The following USP43 variants were observed in gnomAD, a reference collection of about 807,000 sequenced individuals.
USP43 encodes ubiquitin carboxyl-terminal hydrolase 43.
In USP43, 33 loss-of-function variants were observed where a neutral mutation model predicts 90.7. That is an observed-to-expected ratio of 0.36 (90% CI 0.28 to 0.49). USP43 has a LOEUF of 0.49. Among genes scored for constraint, USP43 ranks in the 20% least tolerant of loss-of-function variants. The pLI, the probability that USP43 is intolerant of heterozygous loss-of-function variation, is 0.98. For missense variants in USP43, 1,274 were observed against 1,476.4 expected, an observed-to-expected ratio of 0.86 and a Z score of 2.25; for synonymous variants, 598 against 615.8, an observed-to-expected ratio of 0.97 and a Z score of 0.43.
intron 3 of USP43, 143 bp downstream of exon 3, chr17:9,666,894 C>G: frequency 1.5e-6 from 1 of 678,744 alleles, no homozygotes; most frequent in Non-Finnish European, 2.6e-6. Context: ...ATTATAAATC[C>G]TGATTAAGCA....
At chr17:9,717,916 A>G (rs1567682961) in intron 14 of USP43, among the ~76,000 whole-genome samples, 1 of 150,396 alleles carries the variant, frequency 6.6e-6, no homozygotes, top group Admixed American at 6.6e-5. Flanking sequence ...CCTGCCTCAG[A>G]CTCCCGAGTA....
chr17:9,725,418 T>G (rs1340545056), intron 14 of USP43, among the ~76,000 whole-genome samples: 1 of 151,716 alleles, frequency 6.6e-6, no homozygotes, highest in Non-Finnish European at 1.5e-5. Flanking sequence ...TTTGCCCATC[T>G]CCCCGGGGGA....
intron 12 of USP43, among the ~76,000 whole-genome samples, chr17:9,706,151 T>G (rs1597875510): frequency 6.6e-6 from 1 of 152,242 alleles, no homozygotes; most frequent in Non-Finnish European, 1.5e-5. Flanking sequence ...TCCTGTGAAC[T>G]GTCTATCCAT....
intron 3 of USP43, among the ~76,000 whole-genome samples, chr17:9,670,530 C>T (rs1325461472): frequency 6.6e-6 from 1 of 152,102 alleles, no homozygotes; most frequent in East Asian, 1.9e-4. Flanking sequence ...TTAGTCCTTC[C>T]ACCCCACAAC....
intron 14 of USP43, 107 bp downstream of exon 14, chr17:9,712,239 A>C (rs1267445775): frequency 4.6e-6 from 6 of 1,316,508 alleles, no homozygotes; most frequent in African/African-American, 3.0e-5. Context: ...GAAAGGGTCC[A>C]TCATTACGAG....
intron 14 of USP43, among the ~76,000 whole-genome samples, chr17:9,725,613 CAG>C (rs1247636287): frequency 5.3e-5 from 8 of 152,194 alleles, no homozygotes; most frequent in Non-Finnish European, 1.0e-4. Flanking sequence ...ATAAAGATAA[CAG>C]GGGTACTTTT....
chr17:9,654,255 A>G (rs1010069044), intron 1 of USP43, among the ~76,000 whole-genome samples: 1 of 152,196 alleles, frequency 6.6e-6, no homozygotes, highest in African/African-American at 2.4e-5. Flanking sequence ...CTAAAAACAT[A>G]TTCATTGTTT....
rs1167647792 is a variant in USP43, at chr17:9,701,147, G to A, written c.1564G>A (p.Ala522Thr). The A allele has an allele frequency of 2.0e-6, 3 of 1,498,438 alleles. No homozygotes were observed. Among genetic ancestry groups the A allele is most frequent in the South Asian group, 2.7e-5 (2 of 73,262 alleles). The allele number at this position is 1,498,438 out of a possible 1,614,324, so 92.8% of individuals were successfully genotyped here. ...GTTCGGGAGCCTCCAGGAGGAGCGAGCGCAGGATGCCGACAGTGTGTGGCA... is the reference window on the plus strand; with the variant it reads ...GTTCGGGAGCCTCCAGGAGGAGCGAACGCAGGATGCCGACAGTGTGTGGCA... ...RLFGSLQEER[A>T]QDADSVWQQQ... The change falls in exon 11 of 15, where the codon GCG becomes ACG. Residue 522 changes from alanine to threonine, a missense_variant. By Grantham distance (58) the Ala-to-Thr change is moderately conservative. Coordinates refer to ENST00000285199, the MANE Select transcript of USP43 (RefSeq NM_153210.5). The surrounding 1 kb of genome is among the most constrained non-coding windows in gnomAD (Gnocchi z 7.2).
At chr17:9,694,125 C>A (rs1437157979) in intron 9 of USP43, among the ~76,000 whole-genome samples, 1 of 152,200 alleles carries the variant, frequency 6.6e-6, no homozygotes, top group Non-Finnish European at 1.5e-5. Context: ...TCTGGCACTT[C>A]TCTTTATTTT....
At chr17:9,705,532 A>C (rs923249529) in intron 12 of USP43, among the ~76,000 whole-genome samples, 1 of 152,302 alleles carries the variant, frequency 6.6e-6, no homozygotes, top group Middle Eastern at 3.4e-3. Flanking sequence ...AGGCAGGCAG[A>C]TCACTTGAGG....
rs58054610 is a variant in USP43 at position 9,680,013 on chromosome 17, A to ATT, written c.970-203_970-202dup. On this transcript the variant is annotated intron_variant, in intron 5 of 14. Coordinates refer to ENST00000285199, the MANE Select transcript of USP43 (RefSeq NM_153210.5). ...TTGTTTAGCTGGGTATAAAACTTAGATTTTTTTTTTTTTTTTCAGTTTCTT... is the reference window on the plus strand; with the variant it reads ...TTGTTTAGCTGGGTATAAAACTTAGATTTTTTTTTTTTTTTTTTCAGTTTCTT... 7.6e-3 allele frequency among the ~76,000 whole-genome samples: 1,008 copies of ATT among 132,026 alleles called. 12 individuals are homozygous for ATT. Among genetic ancestry groups the ATT allele is most frequent in the African/African-American group, 0.022 (793 of 35,962 alleles). 86.6% of individuals were successfully genotyped at this position (132,026 alleles called of 152,430 possible). A position where few individuals can be genotyped will look rare whatever the true frequency, so the allele number is the denominator to read the frequency against.
At chr17:9,700,758 A>T (rs1915519119) in intron 10 of USP43, among the ~76,000 whole-genome samples, 1 of 152,072 alleles carries the variant, frequency 6.6e-6, no homozygotes, top group South Asian at 2.1e-4. Context: ...GCTCCTCATC[A>T]CCATACTTGG....
At chr17:9,664,917 G>A (rs1022845288) in intron 2 of USP43, among the ~76,000 whole-genome samples, 5 of 152,168 alleles carry the variant, frequency 3.3e-5, no homozygotes, top group Admixed American at 2.0e-4. Flanking sequence ...GATTACAGGC[G>A]TGAGCCAGCG....
intron 4 of USP43, among the ~76,000 whole-genome samples, chr17:9,675,272 G>A (rs757936601): frequency 1.3e-5 from 2 of 152,136 alleles, no homozygotes; most frequent in Non-Finnish European, 2.9e-5. Flanking sequence ...CTCACTTAGT[G>A]AGACAGGGGC....
At chr17:9,669,355 A>G (rs1193236808) in intron 3 of USP43, among the ~76,000 whole-genome samples, 2 of 152,128 alleles carry the variant, frequency 1.3e-5, no homozygotes, top group Non-Finnish European at 2.9e-5. Flanking sequence ...TAATTCACCT[A>G]TTTCTCTATT....
chr17:9,726,672 T>C (rs1016688316), intron 14 of USP43, among the ~76,000 whole-genome samples: 7 of 152,112 alleles, frequency 4.6e-5, no homozygotes, highest in African/African-American at 1.7e-4. Context: ...AACCATCGCC[T>C]TGGGGACTAG....
chr17:9,704,206 C>T (rs980727079), intron 12 of USP43, among the ~76,000 whole-genome samples: 3 of 152,134 alleles, frequency 2.0e-5, no homozygotes, highest in African/African-American at 7.2e-5. Context: ...AGTGTGCTTA[C>T]CTGTAGGTCT....
chr17:9,660,728 G>A (rs1187944989), intron 2 of USP43, among the ~76,000 whole-genome samples: 1 of 152,146 alleles, frequency 6.6e-6, no homozygotes, highest in Non-Finnish European at 1.5e-5. Context: ...TCCTTAAGGG[G>A]CCAGGCATGT....
intron 2 of USP43, among the ~76,000 whole-genome samples, chr17:9,664,636 A>T (rs867473259): frequency 3.0e-5 from 4 of 134,212 alleles, no homozygotes; most frequent in Non-Finnish European, 6.4e-5. Context: ...CCTTGCATAG[A>T]TTTTTTTTTT....
Sources: allele counts gnomAD v4.1 joint callset (sites outside exome capture counted in the v4.1 genomes callset), GRCh38; gene constraint gnomAD v4.1.1; non-coding constraint Gnocchi (gnomAD v3.1); transcripts MANE v1.5; gene names NCBI Gene and HGNC (gene_info 2026-07-23, HGNC 2026-07-21).